Variants in ADGRG6 observed in about 807,000 individuals in gnomAD.
ADGRG6 encodes adhesion G protein-coupled receptor G6.
In ADGRG6, 84 loss-of-function variants were observed where a neutral mutation model predicts 142.4. The ratio of observed to expected loss-of-function variants is 0.59; its 90% CI spans 0.49 to 0.71. ADGRG6 has a LOEUF of 0.71. ADGRG6 is among the 30% of genes least tolerant of loss of function. ADGRG6 has a pLI of 0.00. For synonymous variants in ADGRG6, 521 were observed against 520.5 expected (o/e 1.00, Z -0.01); for missense variants, 1,367 against 1,466.6 (o/e 0.93, Z 1.11).
chr6:142,415,376 G>GA (rs1348877079), intron 19 of ADGRG6, among the ~76,000 whole-genome samples: 8 of 152,056 alleles, frequency 5.3e-5, no homozygotes, highest in African/African-American at 1.9e-4. Context: ...TGTAAAACAT[G>GA]AAAATGTTTG....
At chr6:142,399,845 T>C (rs1775410858) in intron 10 of ADGRG6, among the ~76,000 whole-genome samples, 1 of 152,216 alleles carries the variant, frequency 6.6e-6, no homozygotes, top group South Asian at 2.1e-4. Flanking sequence ...CGTATTGCTG[T>C]TACTTTGATA....
rs919454050 is a variant in ADGRG6, at chr6:142,446,229, A to G, written c.*2714A>G. 3.3e-5 allele frequency: 5 copies of G among 152,650 alleles called. No individual in the cohort carries two copies. The highest frequency in any genetic ancestry group is 7.3e-5 in the Non-Finnish European group (5 of 68,034). 9.5% of individuals were successfully genotyped at this position (152,650 alleles called of 1,614,324 possible). A position where few individuals can be genotyped will look rare whatever the true frequency, so the allele number is the denominator to read the frequency against. On this transcript the variant is annotated 3_prime_UTR_variant, in exon 25 of 25. Transcript: ENST00000367609. ...TTACTTAAATGGAAAATGTTTTTCAAATAAATACTTATGTTGTTCATGTTC... is the reference window on the plus strand; with the variant it reads ...TTACTTAAATGGAAAATGTTTTTCAGATAAATACTTATGTTGTTCATGTTC...
chr6:142,428,423 A>C (rs1338238011), intron 22 of ADGRG6, among the ~76,000 whole-genome samples: 4 of 152,126 alleles, frequency 2.6e-5, no homozygotes, highest in Non-Finnish European at 5.9e-5. Flanking sequence ...GGCTGAAACC[A>C]AATTTATTAT....
chr6:142,314,459 C>G (rs1004875743), intron 2 of ADGRG6, among the ~76,000 whole-genome samples: 7 of 152,158 alleles, frequency 4.6e-5, no homozygotes, highest in African/African-American at 1.4e-4. Flanking sequence ...AGACGAGGCA[C>G]ACCAGCATAC....
chr6:142,408,705 G>C (rs1249358474), intron 16 of ADGRG6, among the ~76,000 whole-genome samples: 3 of 152,140 alleles, frequency 2.0e-5, no homozygotes, highest in East Asian at 3.8e-4. Context: ...GCAGTGGTTA[G>C]TCTTTGCAAA....
At chr6:142,316,538 C>T (rs1028794703) in intron 2 of ADGRG6, among the ~76,000 whole-genome samples, 5 of 152,106 alleles carry the variant, frequency 3.3e-5, no homozygotes, top group African/African-American at 1.2e-4. Context: ...AATACTCTGG[C>T]AATATTAATC....
At position 142,400,499 on chromosome 6, in the gene ADGRG6, A is replaced by C. The variant is rs199876211; in HGVS notation, c.1582A>C (p.Met528Leu). The change falls in exon 11 of 25, where the codon ATG (methionine) becomes CTG (leucine). Residue 528 changes from methionine to leucine, a missense_variant. By Grantham distance (15) the Met-to-Leu change is conservative (BLOSUM62 2). Coordinates refer to ENST00000367609, the MANE Select transcript of ADGRG6 (RefSeq NM_198569.3). ...TGTTCATATAGGTCATTGTCTTGCC[A>C]TGGAGGAACCCAAAGGCTACTACTG... ...NVRQLGHCLAMEEPKGYYWPS... is the reference protein window; with the variant it reads ...NVRQLGHCLALEEPKGYYWPS... The C allele has an allele frequency of 3.2e-5, 50 of 1,548,398 alleles. No homozygotes were observed. In the African/African-American group the frequency reaches 4.5e-4, roughly 14 times the overall value.
intron 2 of ADGRG6, among the ~76,000 whole-genome samples, chr6:142,353,036 G>A (rs999700185): frequency 6.6e-5 from 10 of 152,248 alleles, no homozygotes; most frequent in Admixed American, 1.3e-4. Context: ...ATAACTTTGT[G>A]TATTGGCATT....
chr6:142,367,360 A>C lies in ADGRG6; in HGVS notation c.104-209A>C, dbSNP rs954066584. On this transcript the variant is annotated intron_variant, in intron 2 of 24. Transcript: ENST00000367609. ...CCAAATTTAAGAATCATTGCATTAAAATTTTTTGTTTCTCTTTTACTTTTT... is the reference window on the plus strand; with the variant it reads ...CCAAATTTAAGAATCATTGCATTAACATTTTTTGTTTCTCTTTTACTTTTT... 3.9e-5 allele frequency among the ~76,000 whole-genome samples: 6 copies of C among 152,116 alleles called. No individual in the cohort carries two copies. In the South Asian group the frequency reaches 6.2e-4, roughly 16 times the overall value.
chr6:142,389,767 A>G (rs1774784558), intron 6 of ADGRG6, among the ~76,000 whole-genome samples: 1 of 151,878 alleles, frequency 6.6e-6, no homozygotes, highest in Admixed American at 6.6e-5. Context: ...CAGGGGAAAG[A>G]GAGGAAAAGG....
chr6:142,389,403 A>T (rs796110767), intron 6 of ADGRG6, among the ~76,000 whole-genome samples: 37 of 151,964 alleles, frequency 2.4e-4, no homozygotes, highest in South Asian at 4.1e-4. Context: ...GACTCAAAAA[A>T]TTTTCTTCTC....
intron 7 of ADGRG6, 55 bp downstream of exon 7, chr6:142,390,398 C>A (rs750893590): frequency 3.3e-6 from 3 of 921,464 alleles, no homozygotes; most frequent in South Asian, 2.9e-5. Flanking sequence ...TTCTGGGAAT[C>A]TGGAAAAGAC....
chr6:142,426,053 A>G (rs1776926177), intron 22 of ADGRG6, among the ~76,000 whole-genome samples: 1 of 152,168 alleles, frequency 6.6e-6, no homozygotes, highest in African/African-American at 2.4e-5. Context: ...GGGTGGGAAC[A>G]CAGCCAAACC....
chr6:142,435,237 A>G (rs1267576075), intron 22 of ADGRG6, among the ~76,000 whole-genome samples: 1 of 152,144 alleles, frequency 6.6e-6, no homozygotes, highest in African/African-American at 2.4e-5. Flanking sequence ...CTCCTAAAAC[A>G]CAGTGCCTCC....
chr6:142,380,629 G>A (rs763521286), intron 4 of ADGRG6, among the ~76,000 whole-genome samples: 9 of 152,170 alleles, frequency 5.9e-5, no homozygotes, highest in Admixed American at 1.3e-4. Flanking sequence ...CTGTCTGCCA[G>A]TAAAATACCC....
In ADGRG6 at chr6:142,437,511, A is replaced by G. The variant is rs773328318; in HGVS notation, c.3397A>G (p.Arg1133Gly). Residue 1133 changes from arginine to glycine, a missense_variant, in exon 23 of 25, where the codon AGA becomes GGA. Coordinates refer to ENST00000367609, the MANE Select transcript of ADGRG6 (RefSeq NM_198569.3). Reference sequence around the variant, plus strand: ...GTGGCGGCAGCATCTCTGCTGTGGTAGATTTCGGTTAGCAGATAACTCAGG... The same window carrying G: ...GTGGCGGCAGCATCTCTGCTGTGGTGGATTTCGGTTAGCAGATAACTCAGG... ...KQWRQHLCCG[R>G]FRLADNSDWS... 6.5e-7 allele frequency: 1 copy of G among 1,543,932 alleles called. No homozygotes were observed. The highest frequency in any genetic ancestry group is 9.0e-7 in the Non-Finnish European group (1 of 1,116,024).
chr6:142,356,002 G>A (rs1425091637), intron 2 of ADGRG6, among the ~76,000 whole-genome samples: 2 of 152,180 alleles, frequency 1.3e-5, no homozygotes, highest in African/African-American at 2.4e-5. Context: ...AGTTGAGTGA[G>A]CTGTCTCTTG....
chr6:142,317,604 A>G (rs541626012), intron 2 of ADGRG6, among the ~76,000 whole-genome samples: 4 of 146,574 alleles, frequency 2.7e-5, no homozygotes, highest in Non-Finnish European at 5.9e-5. Context: ...GCTAAAGGCT[A>G]TGTCATTGTA....
At chr6:142,367,015 A>G (rs2114849044) in intron 2 of ADGRG6, among the ~76,000 whole-genome samples, 1 of 152,342 alleles carries the variant, frequency 6.6e-6, no homozygotes. Flanking sequence ...GAAAAAAAAT[A>G]CAGTCTGCCA....
Sources: gnomAD v4.1 joint callset for allele counts (sites outside exome capture counted in the v4.1 genomes callset) on GRCh38, gnomAD v4.1.1 for gene constraint, MANE v1.5 for transcripts, NCBI Gene and HGNC (gene_info 2026-07-23, HGNC 2026-07-21) for gene names.